Variants in B4GALT2 observed in about 807,000 individuals in gnomAD.
B4GALT2 encodes the protein N-acetyllactosamine synthase.
In B4GALT2, 18 loss-of-function variants were observed where a neutral mutation model predicts 33.2. The ratio of observed to expected loss-of-function variants is 0.54; its 90% CI spans 0.38 to 0.80. The LOEUF is 0.80. Among genes scored for constraint, B4GALT2 ranks in the 30% least tolerant of loss-of-function variants. B4GALT2 has a pLI of 0.00. For missense variants in B4GALT2, 404 were observed against 526.2 expected, an observed-to-expected ratio of 0.77 and a Z score of 2.27; for synonymous variants, 214 against 217.6, an observed-to-expected ratio of 0.98 and a Z score of 0.15.
chr1:43,983,052 G>A (rs1037065245), intron 3 of B4GALT2, among the ~76,000 whole-genome samples: 2 of 152,208 alleles, frequency 1.3e-5, no homozygotes, highest in African/African-American at 4.8e-5. Flanking sequence ...GGATGGCTGT[G>A]TCTGAGTGAG....
intron 6 of B4GALT2, among the ~76,000 whole-genome samples, chr1:43,986,562 G>C (rs777727447): frequency 1.3e-5 from 2 of 152,208 alleles, no homozygotes; most frequent in African/African-American, 4.8e-5. Flanking sequence ...GATACATACC[G>C]AGAGTCTGAA....
rs1412739108 is a variant in B4GALT2 at position 43,982,320 on chromosome 1, A to G, written c.549+396A>G. Among the ~76,000 whole-genome samples, 2 of 152,050 alleles carry G rather than the reference A, an allele frequency of 1.3e-5. No individual in the cohort carries two copies. Among genetic ancestry groups the G allele is most frequent in the African/African-American group, 4.8e-5 (2 of 41,410 alleles). ...GCCAGGGCACTCAGCTCAGCATCTT[A>G]AGGCCTTTGGTGGACCTGGCTAGGG... is the stretch of plus-strand genomic sequence containing the variant. On this transcript the variant is annotated intron_variant, in intron 3 of 6. Coordinates refer to ENST00000372324, the MANE Select transcript of B4GALT2 (RefSeq NM_003780.5). The surrounding 1 kb of genome is among the most constrained non-coding windows in gnomAD (Gnocchi z 4.3).
At position 43,981,384 on chromosome 1, in the gene B4GALT2, C is replaced by T. The variant is rs2353008; in HGVS notation, c.224C>T (p.Ser75Phe). 6.3e-7 allele frequency: 1 copy of T among 1,598,882 alleles called. No individual in the cohort carries two copies. The highest frequency in any genetic ancestry group is 8.5e-7 in the Non-Finnish European group (1 of 1,179,780). ...SNCSRPNATA[S>F]SSGLPEVPSA... Reference sequence around the variant, plus strand: ...TGCTCCCGGCCCAACGCCACCGCCTCTAGCTCCGGGCTCCCTGAGGTCCCC... The same window carrying T: ...TGCTCCCGGCCCAACGCCACCGCCTTTAGCTCCGGGCTCCCTGAGGTCCCC... The change falls in exon 2 of 7, where the codon TCT becomes TTT. Residue 75 changes from serine (S) to phenylalanine (F), a missense_variant. Transcript: ENST00000372324. This position sits in a 1 kb window ranked among gnomAD's most constrained non-coding sequence, Gnocchi z 8.1.
intron 1 of B4GALT2, chr1:43,980,077 C>A: frequency 6.8e-7 from 1 of 1,472,250 alleles, no homozygotes; most frequent in Non-Finnish European, 9.0e-7. Flanking sequence ...GTTACTGTCA[C>A]CCGGGTGTGT....
intron 3 of B4GALT2, among the ~76,000 whole-genome samples, chr1:43,983,636 C>A (rs1237175483): frequency 6.6e-6 from 1 of 152,118 alleles, no homozygotes. Flanking sequence ...AAAAAAAATC[C>A]CTGCTGAGAA....
At chr1:43,980,225 C>A in intron 1 of B4GALT2, 1 of 656,852 alleles carries the variant, frequency 1.5e-6, no homozygotes, top group Non-Finnish European at 2.3e-6. Flanking sequence ...CTTGGAACCA[C>A]AGCTGGAGCC....
chr1:43,985,707 TC>T, intron 6 of B4GALT2, 86 bp downstream of exon 6: 1 of 1,308,934 alleles, frequency 7.6e-7, no homozygotes, highest in African/African-American at 1.5e-5. Flanking sequence ...CAATCCCTGA[TC>T]CCCCAGTGGG....
In B4GALT2 at chr1:43,985,991, T is replaced by C. The variant is rs1245301346; in HGVS notation, c.968+370T>C. 27 of 300,340 alleles carry C rather than the reference T, an allele frequency of 9.0e-5. No individual in the cohort carries two copies. The Admixed American group carries it at 1.3e-3, about 14-fold the overall frequency. 18.6% of individuals were successfully genotyped at this position (300,340 alleles called of 1,614,324 possible). A position where few individuals can be genotyped will look rare whatever the true frequency, so the allele number is the denominator to read the frequency against. Reference sequence around the variant, plus strand: ...CCTGTGGGACCCCTGCCGGGGCAGATAGGACACGAGCTAATGGGTGCTGGG... The same window carrying C: ...CCTGTGGGACCCCTGCCGGGGCAGACAGGACACGAGCTAATGGGTGCTGGG... On this transcript the variant is annotated intron_variant, in intron 6 of 6. Transcript: ENST00000372324.
In B4GALT2 at chr1:43,979,943, C is replaced by A; in HGVS notation, c.-53+432C>A. Reference sequence around the variant, plus strand: ...TGGCCGCCAGCCTGACCCAGAACCCCTGCGCCGGAGGGAGGGTGGGAATGT... The same window carrying A: ...TGGCCGCCAGCCTGACCCAGAACCCATGCGCCGGAGGGAGGGTGGGAATGT... On this transcript the variant is annotated intron_variant, in intron 1 of 6. Coordinates refer to ENST00000372324, the MANE Select transcript of B4GALT2 (RefSeq NM_003780.5). The surrounding 1 kb of genome is among the most constrained non-coding windows in gnomAD (Gnocchi z 4.8). The A allele has an allele frequency of 6.6e-7, 1 of 1,520,152 alleles. No individual in the cohort carries two copies. Among genetic ancestry groups the A allele is most frequent in the Non-Finnish European group, 8.8e-7 (1 of 1,136,714 alleles). 94.2% of individuals were successfully genotyped at this position (1,520,152 alleles called of 1,614,324 possible). A position where few individuals can be genotyped will look rare whatever the true frequency, so the allele number is the denominator to read the frequency against.
In B4GALT2 at chr1:43,985,522, C is replaced by G. The variant is rs1271481547; in HGVS notation, c.869C>G (p.Ser290Cys). ...GEDDDIFNRI[S>C]LTGMKISRPD... Reference sequence around the variant, plus strand: ...CTGTCCGTCCCCATCCTCAGGATCTCCCTGACTGGGATGAAGATCTCACGC... The same window carrying G: ...CTGTCCGTCCCCATCCTCAGGATCTGCCTGACTGGGATGAAGATCTCACGC... Residue 290 changes from serine (S) to cysteine (C), a missense_variant, in exon 6 of 7, where the codon TCC (serine) becomes TGC (cysteine). Physicochemically the swap from Ser to Cys is moderately radical, Grantham distance 112. Coordinates refer to ENST00000372324, the MANE Select transcript of B4GALT2 (RefSeq NM_003780.5). 1 of 1,613,734 alleles carries G rather than the reference C, an allele frequency of 6.2e-7. No homozygotes were observed. The highest frequency in any genetic ancestry group is 8.5e-7 in the Non-Finnish European group (1 of 1,179,924).
intron 6 of B4GALT2, among the ~76,000 whole-genome samples, chr1:43,988,890 G>A (rs1351084053): frequency 6.6e-6 from 1 of 150,750 alleles, no homozygotes; most frequent in Admixed American, 6.6e-5. Flanking sequence ...AGATTTGTGA[G>A]GGTGTCAGAC....
At chr1:43,983,796 G>C (rs768044688) in intron 3 of B4GALT2, among the ~76,000 whole-genome samples, 1 of 152,156 alleles carries the variant, frequency 6.6e-6, no homozygotes, top group Admixed American at 6.5e-5. Context: ...GGAGGAAAGC[G>C]ATGGTCTCTC....
chr1:43,985,754 T>C lies in B4GALT2; in HGVS notation c.968+133T>C. 4 of 788,902 alleles carry C rather than the reference T, an allele frequency of 5.1e-6. No homozygotes were observed. In the Admixed American group the frequency reaches 6.5e-5, roughly 13 times the overall value. 48.9% of individuals were successfully genotyped at this position (788,902 alleles called of 1,614,324 possible). Reference sequence around the variant, plus strand: ...GCATCCTTGACTCCAAAAAGGTGACTCCCAGTGCCACTGATTCCCTGATGT... The same window carrying C: ...GCATCCTTGACTCCAAAAAGGTGACCCCCAGTGCCACTGATTCCCTGATGT... On this transcript the variant is annotated intron_variant, in intron 6 of 6. Transcript: ENST00000372324.
chr1:43,980,303 G>A (rs575737015), intron 1 of B4GALT2: 11 of 406,578 alleles, frequency 2.7e-5, no homozygotes, highest in Non-Finnish European at 4.6e-5. Flanking sequence ...CAAGCATCCC[G>A]TTCCGGGAAT....
chr1:43,988,456 G>A (rs1345053440), intron 6 of B4GALT2, among the ~76,000 whole-genome samples: 3 of 151,510 alleles, frequency 2.0e-5, no homozygotes, highest in East Asian at 1.9e-4. Context: ...TCAGTAGTTC[G>A]AGACCAGCCT....
chr1:43,981,334 TAGCAGCAGC>T lies in B4GALT2; in HGVS notation c.188_196del (p.Ser63_Ser65del), dbSNP rs551490191. 62 of 1,601,284 alleles carry T rather than the reference TAGCAGCAGC, an allele frequency of 3.9e-5. No individual in the cohort carries two copies. Among genetic ancestry groups the T allele is most frequent in the African/African-American group, 3.1e-4 (23 of 74,914 alleles). On this transcript the variant is annotated inframe_deletion, in exon 2 of 7. Coordinates refer to ENST00000372324, the MANE Select transcript of B4GALT2 (RefSeq NM_003780.5). The surrounding 1 kb of genome is among the most constrained non-coding windows in gnomAD (Gnocchi z 8.1). ...CTGCCCATGCCCTCCACCCAGCTGC[TAGCAGCAGC>T]AGCAGCAGCAGCAACTGCTCCCGGC...
intron 3 of B4GALT2, among the ~76,000 whole-genome samples, chr1:43,983,907 G>T (rs2085628045): frequency 6.6e-6 from 1 of 152,164 alleles, no homozygotes; most frequent in Non-Finnish European, 1.5e-5. Flanking sequence ...ACCTCTTCTG[G>T]CAGTGGCTTT....
intron 6 of B4GALT2, among the ~76,000 whole-genome samples, chr1:43,987,223 A>G (rs1285131187): frequency 2.0e-5 from 3 of 152,138 alleles, no homozygotes; most frequent in African/African-American, 7.2e-5. Context: ...TCAATTACAC[A>G]TGTCTGGCTT....
Position 43,979,608 on chromosome 1 carries a change from C to G in B4GALT2, c.-53+97C>G, listed in dbSNP as rs2085570946. ...CGAGCGCGGCCCCGAGATCCCAACC[C>G]AGGAGCCGGTGAGAGAGGCGCCGGC... On this transcript the variant is annotated intron_variant, in intron 1 of 6. Coordinates refer to ENST00000372324, the MANE Select transcript of B4GALT2 (RefSeq NM_003780.5). This position sits in a 1 kb window ranked among gnomAD's most constrained non-coding sequence, Gnocchi z 4.8. The G allele has an allele frequency of 1.2e-5, 2 of 169,068 alleles. No individual in the cohort carries two copies. Among genetic ancestry groups the G allele is most frequent in the Admixed American group, 1.3e-4 (2 of 15,534 alleles). 10.5% of individuals were successfully genotyped at this position (169,068 alleles called of 1,614,324 possible).
Sources: allele counts gnomAD v4.1 joint callset (sites outside exome capture counted in the v4.1 genomes callset), GRCh38; gene constraint gnomAD v4.1.1; non-coding constraint Gnocchi (gnomAD v3.1); transcripts MANE v1.5; gene names NCBI Gene and HGNC (gene_info 2026-07-23, HGNC 2026-07-21).